The following SRGAP3 variants were observed in gnomAD, a reference collection of about 807,000 sequenced individuals.
SRGAP3 encodes the protein SLIT-ROBO Rho GTPase-activating protein 3.
A neutral mutation model predicts 121.1 loss-of-function variants in SRGAP3; 39 were observed. That is an observed-to-expected ratio of 0.32 (90% CI 0.25 to 0.42). SRGAP3 has a LOEUF of 0.42. SRGAP3 is among the 10% of genes least tolerant of loss of function. The pLI is 1.00. For synonymous variants in SRGAP3, 601 were observed against 570.0 expected, an observed-to-expected ratio of 1.05 and a Z score of -0.77; for missense variants, 1,213 against 1,470.6, an observed-to-expected ratio of 0.82 and a Z score of 2.86.
chr3:9,008,878 C>T (rs1165529878), intron 18 of SRGAP3, among the ~76,000 whole-genome samples: 1 of 152,088 alleles, frequency 6.6e-6, no homozygotes, highest in Non-Finnish European at 1.5e-5. Flanking sequence ...TCTCTTGGAA[C>T]CATTATAGAA....
intron 18 of SRGAP3, among the ~76,000 whole-genome samples, chr3:9,001,776 C>T (rs945663394): frequency 2.0e-5 from 3 of 152,000 alleles, no homozygotes; most frequent in Non-Finnish European, 4.4e-5. Context: ...ATACTAATAT[C>T]GATAAAATAG....
At chr3:9,188,362 T>C (rs111971099) in intron 1 of SRGAP3, among the ~76,000 whole-genome samples, 70 of 152,248 alleles carry the variant, frequency 4.6e-4, no homozygotes, top group African/African-American at 1.7e-3. Flanking sequence ...TACACAATTA[T>C]AGGTCTTCAA....
intron 11 of SRGAP3, chr3:9,035,029 C>T (rs1283430481): frequency 6.6e-6 from 1 of 151,884 alleles, no homozygotes; most frequent in Non-Finnish European, 1.5e-5. Context: ...AGTGAGCCCA[C>T]AAAAGATGAA....
chr3:9,335,844 T>C (rs971740914), intron 1 of SRGAP3, among the ~76,000 whole-genome samples: 1 of 152,200 alleles, frequency 6.6e-6, no homozygotes, highest in African/African-American at 2.4e-5. Context: ...GCCTGGACTT[T>C]AGGATTTTTC....
At chr3:9,193,520 G>A (rs1437456145) in intron 1 of SRGAP3, 1 of 152,274 alleles carries the variant, frequency 6.6e-6, no homozygotes, top group African/African-American at 2.4e-5. Flanking sequence ...ATAAACCACA[G>A]CTATGCGAGG....
chr3:9,105,854 A>G (rs1219021911), intron 2 of SRGAP3, among the ~76,000 whole-genome samples: 1 of 152,188 alleles, frequency 6.6e-6, no homozygotes, highest in Non-Finnish European at 1.5e-5. Context: ...AGTAAGCCCA[A>G]ACTACGGAAC....
chr3:9,245,935 G>GA (rs1953806764), intron 1 of SRGAP3, among the ~76,000 whole-genome samples: 1 of 151,970 alleles, frequency 6.6e-6, no homozygotes, highest in African/African-American at 2.4e-5. Flanking sequence ...AAAGAAAAAA[G>GA]AAAAAATGCT....
upstream of SRGAP3, among the ~76,000 whole-genome samples, chr3:9,253,728 T>G (rs925705171): frequency 6.6e-6 from 1 of 152,206 alleles, no homozygotes. Context: ...CAGATTTTAA[T>G]AGAATTAATA....
At chr3:9,328,252 T>C (rs1367306872) in intron 2 of SRGAP3, among the ~76,000 whole-genome samples, 1 of 152,212 alleles carries the variant, frequency 6.6e-6, no homozygotes, top group Non-Finnish European at 1.5e-5. Flanking sequence ...AGCTCTTTTA[T>C]ATAAACATTA....
intron 6 of SRGAP3, chr3:9,058,712 C>A: frequency 7.3e-6 from 3 of 410,818 alleles, no homozygotes; most frequent in South Asian, 2.8e-5. Context: ...CTTTCTCTCT[C>A]TCTTTTTTTT....
At chr3:9,007,326 C>T (rs941938591) in intron 18 of SRGAP3, 6 of 152,128 alleles carry the variant, frequency 3.9e-5, no homozygotes, top group African/African-American at 1.4e-4. Context: ...TAAATTGTTC[C>T]TGCAATTTGG....
In SRGAP3 at chr3:8,981,935, G is replaced by A. The variant is rs1238118718; in HGVS notation, c.*3584C>T. On this transcript the variant is annotated 3_prime_UTR_variant, in exon 22 of 22. Coordinates refer to ENST00000383836, the MANE Select transcript of SRGAP3 (RefSeq NM_014850.4). ...TGTGCACTCTGTCCGGGGTTCAAAAGGCGCTTCGAGGTGAGAAATCGTTAG... is the reference window on the plus strand; with the variant it reads ...TGTGCACTCTGTCCGGGGTTCAAAAAGCGCTTCGAGGTGAGAAATCGTTAG... The A allele has an allele frequency of 1.3e-5, 3 of 227,076 alleles. No individual in the cohort carries two copies. The highest frequency in any genetic ancestry group is 2.6e-5 in the Non-Finnish European group (3 of 114,250). 14.1% of individuals were successfully genotyped at this position (227,076 alleles called of 1,614,324 possible). A position where few individuals can be genotyped will look rare whatever the true frequency, so the allele number is the denominator to read the frequency against.
intron 1 of SRGAP3, among the ~76,000 whole-genome samples, chr3:9,177,296 T>A (rs1028173495): frequency 1.2e-4 from 19 of 152,156 alleles, no homozygotes; most frequent in African/African-American, 4.1e-4. Context: ...AATTTACAAC[T>A]TCAGTTGAAA....
intron 11 of SRGAP3, chr3:9,035,069 T>C (rs1055016807): frequency 1.3e-5 from 2 of 151,756 alleles, no homozygotes; most frequent in Non-Finnish European, 2.9e-5. Context: ...ACAAATAAAA[T>C]GTGATTGAGG....
intron 18 of SRGAP3, among the ~76,000 whole-genome samples, chr3:9,002,566 C>A (rs1392633001): frequency 1.3e-5 from 2 of 151,796 alleles, no homozygotes; most frequent in East Asian, 3.9e-4. Context: ...CTAGAGCTAG[C>A]AGAAGGAAGG....
At chr3:8,998,511 G>A (rs950969560) in intron 18 of SRGAP3, among the ~76,000 whole-genome samples, 1 of 149,562 alleles carries the variant, frequency 6.7e-6, no homozygotes, top group Non-Finnish European at 1.5e-5. Context: ...TGTATGATGT[G>A]TGTATTTATG....
intron 1 of SRGAP3, among the ~76,000 whole-genome samples, chr3:9,228,916 G>T (rs985579672): frequency 4.6e-4 from 70 of 151,542 alleles, no homozygotes; most frequent in African/African-American, 1.7e-3. Context: ...CAAAAAATTA[G>T]CCGGGCGCGG....
chr3:9,344,217 G>A (rs541730356), intron 1 of SRGAP3, among the ~76,000 whole-genome samples: 1 of 152,298 alleles, frequency 6.6e-6, no homozygotes, highest in African/African-American at 2.4e-5. Context: ...AACTTTGGGA[G>A]GCCGAGGCGG....
At chr3:9,154,255 C>T (rs923192382) in intron 1 of SRGAP3, among the ~76,000 whole-genome samples, 2 of 152,158 alleles carry the variant, frequency 1.3e-5, no homozygotes, top group African/African-American at 4.8e-5. Context: ...TTTTCATTGG[C>T]ATTCTCACCC....
Sources: gnomAD v4.1 joint callset for allele counts (sites outside exome capture counted in the v4.1 genomes callset) on GRCh38, gnomAD v4.1.1 for gene constraint, MANE v1.5 for transcripts, NCBI Gene and HGNC (gene_info 2026-07-23, HGNC 2026-07-21) for gene names.